Variants in BTAF1 observed in about 807,000 individuals in gnomAD.
BTAF1 encodes B-TFIID TATA-box binding protein associated factor 1, also known as TATA-binding protein-associated factor 172.
Under a neutral mutation model 227.1 loss-of-function variants are expected in BTAF1, and 38 were observed. The ratio of observed to expected loss-of-function variants is 0.17; its 90% CI spans 0.13 to 0.22. BTAF1 has a LOEUF of 0.22. Ranked by LOEUF, BTAF1 falls within the 10% of genes least tolerant of loss-of-function variation. The probability of loss-of-function intolerance (pLI) is 1.00; values close to 1 mark genes in which losing one functional copy is unlikely to be tolerated. For missense variants in BTAF1, 1,598 were observed against 2,204.0 expected, an observed-to-expected ratio of 0.73 and a Z score of 5.51; for synonymous variants, 742 against 751.9, an observed-to-expected ratio of 0.99 and a Z score of 0.21.
rs764411972 is a variant in BTAF1 at position 91,959,758 on chromosome 10, ATATATATATATATT to A, written c.991-26_991-13del. 2 of 559,654 alleles carry A rather than the reference ATATATATATATATT, an allele frequency of 3.6e-6. No individual in the cohort carries two copies. The highest frequency in any genetic ancestry group is 4.1e-5 in the African/African-American group (2 of 49,034). The allele number at this position is 559,654 out of a possible 1,614,324, so 34.7% of individuals were successfully genotyped here. ...TGTGTGTGTATATATATATATATAT[ATATATATATATATT>A]ATATTTTAACAGATGATTCAGCAGC... On this transcript the variant is annotated splice_polypyrimidine_tract_variant and intron_variant, in intron 9 of 37. Coordinates refer to ENST00000265990, the MANE Select transcript of BTAF1 (RefSeq NM_003972.3).
At chr10:91,942,983 T>C (rs969380243) in intron 4 of BTAF1, among the ~76,000 whole-genome samples, 1 of 152,186 alleles carries the variant, frequency 6.6e-6, no homozygotes, top group Non-Finnish European at 1.5e-5. Flanking sequence ...CTGATATTAT[T>C]GGGTTTACTC....
intron 14 of BTAF1, among the ~76,000 whole-genome samples, chr10:91,971,501 T>C (rs1161651093): frequency 6.6e-6 from 1 of 151,002 alleles, no homozygotes; most frequent in Admixed American, 6.6e-5. Context: ...AGATGGAGTT[T>C]TGCTCTTGTT....
At chr10:91,978,821 T>TTTTG (rs1358596007) in intron 14 of BTAF1, among the ~76,000 whole-genome samples, 1 of 149,714 alleles carries the variant, frequency 6.7e-6, no homozygotes, top group African/African-American at 2.5e-5. Flanking sequence ...CTTGTTTTTT[T>TTTTG]TTTTTTTTTT....
At chr10:91,956,832 T>C (rs1277803113) in intron 7 of BTAF1, among the ~76,000 whole-genome samples, 175 bp downstream of exon 7, 1 of 152,054 alleles carries the variant, frequency 6.6e-6, no homozygotes, top group African/African-American at 2.4e-5. Flanking sequence ...CTACTAAAGA[T>C]ATAAAAAATT....
In BTAF1 at chr10:91,927,989, T is replaced by C. The variant is rs899053823; in HGVS notation, c.14+3899T>C. On this transcript the variant is annotated intron_variant, in intron 1 of 37. Coordinates refer to ENST00000265990, the MANE Select transcript of BTAF1 (RefSeq NM_003972.3). ...TTTAACTGCCTTTTTTCTTTTTTTT[T>C]TTTTTTTTTTGCAGTAAGGAAAACT... Among the ~76,000 whole-genome samples the C allele has an allele frequency of 3.4e-4, 52 of 150,942 alleles. No homozygotes were observed. In the East Asian group the frequency reaches 8.9e-3, roughly 26 times the overall value.
rs1846940422 is a variant in BTAF1, at chr10:91,966,637, T to C, written c.1530T>C (p.Ser510=). The C allele has an allele frequency of 6.2e-7, 1 of 1,613,254 alleles. No homozygotes were observed. The highest frequency in any genetic ancestry group is 8.5e-7 in the Non-Finnish European group (1 of 1,179,590). The part of the protein sequence containing the change: ...LLTYPQVQQC[S]IQQSLTVLVP... Reference sequence around the variant, plus strand: ...GATTAATTTGTGTCTTCTTTATTAGTATTCAGCAGTCACTGACAGTTTTAG... The same window carrying C: ...GATTAATTTGTGTCTTCTTTATTAGCATTCAGCAGTCACTGACAGTTTTAG... Residue 510 remains serine, a splice_region_variant and synonymous_variant, in exon 14 of 38, where the codon AGT becomes AGC. Transcript: ENST00000265990.
At chr10:91,953,919 T>A (rs1845925034) in intron 6 of BTAF1, 46 bp downstream of exon 6, 2 of 1,605,180 alleles carry the variant, frequency 1.2e-6, no homozygotes, top group Non-Finnish European at 1.7e-6. Context: ...GAGGGCTCTG[T>A]GGCTTTAATC....
chr10:91,958,873 T>G (rs921912790), intron 8 of BTAF1, among the ~76,000 whole-genome samples, 192 bp from the exon 9 acceptor site: 13 of 152,218 alleles, frequency 8.5e-5, no homozygotes, highest in African/African-American at 3.1e-4. Context: ...AAATTCCATA[T>G]AACCAAAAGC....
At position 91,997,689 on chromosome 10, in the gene BTAF1, G is replaced by A; in HGVS notation, c.3598G>A (p.Asp1200Asn). The A allele has an allele frequency of 6.2e-7, 1 of 1,614,090 alleles. No individual in the cohort carries two copies. Among genetic ancestry groups the A allele is most frequent in the Non-Finnish European group, 8.5e-7 (1 of 1,179,990 alleles). The change falls in exon 25 of 38, where the codon GAC becomes AAC. Residue 1200 changes from aspartate to asparagine, a missense_variant. Physicochemically the swap from Asp to Asn is conservative, Grantham distance 23 (BLOSUM62 1). This residue lies in a region of BTAF1 where 425 missense variants were observed against 491.2 expected (regional missense o/e 0.87). Transcript: ENST00000265990. ...ATTAGGAAGAATGAGTGATCAGACA[G>A]ACAGTGTGAGATTCATGGCCACGCA... ...PVLGRMSDQT[D>N]SVRFMATQCF...
intron 14 of BTAF1, among the ~76,000 whole-genome samples, chr10:91,976,850 T>C (rs542237947): frequency 1.3e-5 from 2 of 152,322 alleles, no homozygotes; most frequent in African/African-American, 4.8e-5. Context: ...TTTGCTCTCC[T>C]GTAGTGCTTA....
Position 91,989,337 on chromosome 10 carries a change from C to G in BTAF1, c.2611C>G (p.Pro871Ala), listed in dbSNP as rs766176656. The G allele has an allele frequency of 1.9e-6, 3 of 1,613,910 alleles. No individual in the cohort carries two copies. The highest frequency in any genetic ancestry group is 1.3e-5 in the African/African-American group (1 of 74,830). ...TGCAGTTGTGAGCTTGCAGCAGCTTCCGGAGAAATTAAATCCTATCATAAA... is the reference window on the plus strand; with the variant it reads ...TGCAGTTGTGAGCTTGCAGCAGCTTGCGGAGAAATTAAATCCTATCATAAA... ...ACAVVSLQQL[P>A]EKLNPIIKPL... Residue 871 changes from proline to alanine, a missense_variant, in exon 20 of 38, where the codon CCG becomes GCG. This residue lies in a region of BTAF1 where 425 missense variants were observed against 491.2 expected (regional missense o/e 0.87). Coordinates refer to ENST00000265990, the MANE Select transcript of BTAF1 (RefSeq NM_003972.3).
At chr10:91,944,006 C>T (rs899677837) in intron 4 of BTAF1, among the ~76,000 whole-genome samples, 10 of 151,986 alleles carry the variant, frequency 6.6e-5, no homozygotes, top group African/African-American at 1.9e-4. Context: ...TGAAAATTAG[C>T]TGGGTGTGGA....
intron 14 of BTAF1, among the ~76,000 whole-genome samples, chr10:91,971,715 AC>A (rs1459198085): frequency 2.0e-5 from 3 of 151,942 alleles, no homozygotes. Context: ...CAGGTGATCC[AC>A]CTGCCTCGGC....
chr10:91,961,904 A>G (rs1846548905), intron 11 of BTAF1, among the ~76,000 whole-genome samples: 1 of 152,122 alleles, frequency 6.6e-6, no homozygotes. Flanking sequence ...TGAATGAGAT[A>G]TGGAGGCTAG....
chr10:91,963,031 CTCCT>C (rs1846630758), intron 12 of BTAF1, among the ~76,000 whole-genome samples: 1 of 151,674 alleles, frequency 6.6e-6, no homozygotes, highest in Admixed American at 6.6e-5. Context: ...CTCCCTGTCT[CTCCT>C]CTCCTCCTCT....
intron 34 of BTAF1, among the ~76,000 whole-genome samples, chr10:92,020,587 A>C (rs1451844144): frequency 6.6e-6 from 1 of 152,212 alleles, no homozygotes; most frequent in Non-Finnish European, 1.5e-5. Flanking sequence ...TCTGGCATAT[A>C]TATCCAAATA....
chr10:91,975,762 A>T (rs1847633319), intron 14 of BTAF1, among the ~76,000 whole-genome samples: 1 of 152,194 alleles, frequency 6.6e-6, no homozygotes, highest in South Asian at 2.1e-4. Flanking sequence ...GTGGGAAGAT[A>T]AAAGAGGGAC....
chr10:92,009,971 A>G (rs1312039457), intron 28 of BTAF1, among the ~76,000 whole-genome samples: 2 of 152,222 alleles, frequency 1.3e-5, no homozygotes, highest in African/African-American at 4.8e-5. Context: ...AAATATTATT[A>G]TTAAATAATG....
intron 3 of BTAF1, 124 bp from the exon 4 acceptor site, chr10:91,942,298 T>TTGTGTGGGGG: frequency 1.8e-6 from 1 of 545,504 alleles, no homozygotes; most frequent in Non-Finnish European, 3.0e-6. Flanking sequence ...AAAAAAAAGT[T>TTGTGTGGGGG]TGTGTGTGTG....
Sources: gnomAD v4.1 joint callset for allele counts (sites outside exome capture counted in the v4.1 genomes callset) on GRCh38, gnomAD v4.1.1 for gene constraint, gnomAD v4.1.1 regional missense constraint, MANE v1.5 for transcripts, NCBI Gene and HGNC (gene_info 2026-07-23, HGNC 2026-07-21) for gene names.